C22orf31: variants seen among roughly 807,000 people sequenced by gnomAD.
The protein encoded by C22orf31 is chromosome 22 open reading frame 31, also known as uncharacterized protein C22orf31.
C22orf31 carries 11 observed loss-of-function variants against 15.0 expected under a neutral mutation model. That is an observed-to-expected ratio of 0.73 (90% CI 0.46 to 1.21). The LOEUF is 1.21. Among genes scored for constraint, C22orf31 ranks in the 50% most tolerant of loss-of-function variants. C22orf31 has a pLI of 0.00. For synonymous variants in C22orf31, 132 were observed against 133.3 expected, an observed-to-expected ratio of 0.99 and a Z score of 0.07; for missense variants, 340 against 347.2, an observed-to-expected ratio of 0.98 and a Z score of 0.17.
upstream of C22orf31, among the ~76,000 whole-genome samples, chr22:29,066,230 T>C (rs1056210174): frequency 6.6e-6 from 1 of 152,198 alleles, no homozygotes; most frequent in Non-Finnish European, 1.5e-5. Context: ...ATTTAGTTGC[T>C]TTTAATTTCC....
intron 2 of C22orf31, among the ~76,000 whole-genome samples, 191 bp downstream of exon 2, chr22:29,060,224 G>T (rs1187709249): frequency 6.8e-6 from 1 of 147,316 alleles, no homozygotes; most frequent in East Asian, 2.0e-4. Context: ...TAGAGATGAG[G>T]TCTCCCTATG....
intron 2 of C22orf31, chr22:29,060,043 T>TTA: frequency 1.4e-6 from 1 of 730,524 alleles, no homozygotes; most frequent in Non-Finnish European, 1.6e-6. Context: ...TTTTTTTTTT[T>TTA]ATTTTTTAGA....
At chr22:29,071,263 C>T in the C22orf31 span, among the ~76,000 whole-genome samples, 3 of 152,182 alleles carry the variant, frequency 2.0e-5, no homozygotes, top group Non-Finnish European at 2.9e-5. Context: ...TCGGGAATGA[C>T]ACATGAAAAC....
At chr22:29,062,204 G>A (rs2037398018), upstream of C22orf31, among the ~76,000 whole-genome samples, 1 of 152,150 alleles carries the variant, frequency 6.6e-6, no homozygotes, top group African/African-American at 2.4e-5. Context: ...TGCAGGAAAT[G>A]TAGTCAAATA....
chr22:29,070,423 C>A, the C22orf31 span, among the ~76,000 whole-genome samples: 1 of 152,224 alleles, frequency 6.6e-6, no homozygotes, highest in Non-Finnish European at 1.5e-5. Context: ...CAGACCAAAG[C>A]TACTATCACA....
chr22:29,066,681 C>T, upstream of C22orf31, among the ~76,000 whole-genome samples: 1 of 150,542 alleles, frequency 6.6e-6, no homozygotes, highest in East Asian at 2.0e-4. Flanking sequence ...CTGCCTCAGC[C>T]TACTGAGTAA....
chr22:29,067,495 G>A, the C22orf31 span, among the ~76,000 whole-genome samples: 1 of 151,910 alleles, frequency 6.6e-6, no homozygotes, highest in Non-Finnish European at 1.5e-5. Flanking sequence ...AGGCTAGAGT[G>A]CAGTGACATG....
the C22orf31 span, chr22:29,073,233 T>A: frequency 7.9e-6 from 9 of 1,136,346 alleles, no homozygotes; most frequent in Admixed American, 1.4e-4. The surrounding 1 kb of genome is among the most constrained non-coding windows in gnomAD (Gnocchi z 4.4). Context: ...ACCCGGTGAG[T>A]GTGAGCGACC....
upstream of C22orf31, among the ~76,000 whole-genome samples, chr22:29,062,372 C>T: frequency 6.6e-6 from 1 of 152,230 alleles, no homozygotes; most frequent in East Asian, 1.9e-4. Context: ...GACCTGGGCA[C>T]CTTTCCCTGC....
upstream of C22orf31, among the ~76,000 whole-genome samples, chr22:29,066,565 T>C (rs2037432695): frequency 2.4e-5 from 2 of 81,658 alleles, no homozygotes; most frequent in African/African-American, 6.7e-5. Flanking sequence ...TTTTTTTTTT[T>C]TTTTTTTTTT....
At chr22:29,072,028 C>A in the C22orf31 span, among the ~76,000 whole-genome samples, 1 of 152,180 alleles carries the variant, frequency 6.6e-6, no homozygotes, top group African/African-American at 2.4e-5. Context: ...TGATAAGATA[C>A]GGAACCAGGG....
At chr22:29,070,323 T>C in the C22orf31 span, among the ~76,000 whole-genome samples, 1 of 152,354 alleles carries the variant, frequency 6.6e-6, no homozygotes, top group South Asian at 2.1e-4. Context: ...ATTATATGGC[T>C]GGTCCTAAGC....
At chr22:29,062,579 T>C (rs961184840), upstream of C22orf31, among the ~76,000 whole-genome samples, 2 of 152,102 alleles carry the variant, frequency 1.3e-5, no homozygotes, top group Admixed American at 6.6e-5. Context: ...TTCTTTTATT[T>C]GTAAAATGCC....
At chr22:29,068,699 C>A in the C22orf31 span, among the ~76,000 whole-genome samples, 8 of 151,312 alleles carry the variant, frequency 5.3e-5, no homozygotes, top group African/African-American at 1.9e-4. Context: ...CGTAAGCCAC[C>A]GTGCCCGGCA....
chr22:29,072,562 G>A, the C22orf31 span, among the ~76,000 whole-genome samples: 2 of 152,338 alleles, frequency 1.3e-5, no homozygotes, highest in East Asian at 3.9e-4. Context: ...GACCAAGTGG[G>A]ATGTGAACTC....
rs576434386 is a variant in C22orf31 at position 29,060,211 on chromosome 22, T to C, written c.432+204A>G. Among the ~76,000 whole-genome samples the C allele has an allele frequency of 4.7e-5, 7 of 149,550 alleles. No homozygotes were observed. In the South Asian group the frequency reaches 1.5e-3, roughly 32 times the overall value. On this transcript the variant is annotated intron_variant, in intron 2 of 2. Transcript: ENST00000216071. ...ATGCCTGGCTTTTTTTTTTTTTTTTTAGTAGAGATGAGGTCTCCCTATGTT... is the reference window on the plus strand; with the variant it reads ...ATGCCTGGCTTTTTTTTTTTTTTTTCAGTAGAGATGAGGTCTCCCTATGTT...
At position 29,058,729 on chromosome 22, in the gene C22orf31, T is replaced by A. The variant is rs2037343477; in HGVS notation, c.*13A>T. On this transcript the variant is annotated 3_prime_UTR_variant, in exon 3 of 3. Transcript: ENST00000216071. ...TCTAGCAGAGAATACTCTAATCCCA[T>A]GAGTTCTTGTTCCTATTTTTTGCTC... 4 of 1,583,712 alleles carry A rather than the reference T, an allele frequency of 2.5e-6. No homozygotes were observed. The East Asian group carries it at 9.0e-5, about 35-fold the overall frequency.
chr22:29,063,366 A>T (rs1166705279), upstream of C22orf31, among the ~76,000 whole-genome samples: 1 of 152,008 alleles, frequency 6.6e-6, no homozygotes, highest in East Asian at 1.9e-4. Context: ...AGTTTTCACC[A>T]TGTTGGCCCA....
In C22orf31 at chr22:29,059,003, G is replaced by A. The variant is rs774767456; in HGVS notation, c.612C>T (p.Thr204=). 4 of 1,614,196 alleles carry A rather than the reference G, an allele frequency of 2.5e-6. No homozygotes were observed. The East Asian group carries it at 8.9e-5, about 36-fold the overall frequency. ...AACCCTCTGTGGGGAGACCATGGAT[G>A]GTTAGCGTGTCCTCCGACAACTGCT... ...KRQQLSEDTL[T]IHGLPTEGYQ... The change falls in exon 3 of 3, where the codon ACC becomes ACT. Residue 204 remains threonine (T), a synonymous_variant. Coordinates refer to ENST00000216071, the MANE Select transcript of C22orf31 (RefSeq NM_015370.2).
Sources: allele counts gnomAD v4.1 joint callset (sites outside exome capture counted in the v4.1 genomes callset), GRCh38; gene constraint gnomAD v4.1.1; non-coding constraint Gnocchi (gnomAD v3.1); transcripts MANE v1.5; gene names NCBI Gene and HGNC (gene_info 2026-07-23, HGNC 2026-07-21).